Variants in CACNB2 observed in about 807,000 individuals in gnomAD.
CACNB2 encodes the protein calcium voltage-gated channel auxiliary subunit beta 2.
In CACNB2, 42 loss-of-function variants were observed where a neutral mutation model predicts 73.3. The observed-to-expected ratio is 0.57, with a 90% CI of 0.45 to 0.74. CACNB2 has a LOEUF of 0.74. Among genes scored for constraint, CACNB2 ranks in the 30% least tolerant of loss-of-function variants. The pLI is 0.00. For missense variants in CACNB2, 940 were observed against 853.0 expected, an observed-to-expected ratio of 1.10 and a Z score of -1.27; for synonymous variants, 348 against 310.3, an observed-to-expected ratio of 1.12 and a Z score of -1.28.
intron 5 of CACNB2, among the ~76,000 whole-genome samples, chr10:18,503,214 A>G (rs2050304280): frequency 6.6e-6 from 1 of 152,234 alleles, no homozygotes; most frequent in Non-Finnish European, 1.5e-5. Flanking sequence ...TGAAGACCCG[A>G]TAGGATTCTT....
In CACNB2 at chr10:18,538,382, T is replaced by C. The variant is rs927119738; in HGVS notation, c.1488+17T>C. 34 of 1,605,122 alleles carry C rather than the reference T, an allele frequency of 2.1e-5. No homozygotes were observed. The highest frequency in any genetic ancestry group is 2.9e-5 in the Non-Finnish European group (34 of 1,172,082). The stretch of plus-strand genomic sequence containing the variant: ...AATTCACAGGTAAGGGGAGTTTTTA[T>C]ATATATCTATATATACAATCTTCAT... On this transcript the variant is annotated intron_variant, in intron 13 of 13. Transcript: ENST00000324631.
chr10:18,225,902 A>C (rs888598519), intron 2 of CACNB2, among the ~76,000 whole-genome samples: 3 of 152,202 alleles, frequency 2.0e-5, no homozygotes, highest in Admixed American at 6.5e-5. Context: ...AGCCTTCCAA[A>C]GCACTGGGAT....
rs1030918220 is a variant in CACNB2, at chr10:18,525,051, A to T, written c.945-2537A>T. On this transcript the variant is annotated intron_variant, in intron 9 of 13. Coordinates refer to ENST00000324631, the MANE Select transcript of CACNB2 (RefSeq NM_201596.3). ...GTCTAAAAAAAAAAAAAAAAAAAAC[A>T]CATTATATGACATAGTTCATTGACT... Among the ~76,000 whole-genome samples, 9 of 149,128 alleles carry T rather than the reference A, an allele frequency of 6.0e-5. No homozygotes were observed. In the South Asian group the frequency reaches 1.9e-3, roughly 32 times the overall value.
chr10:18,520,269 T>C (rs947456900), intron 9 of CACNB2, among the ~76,000 whole-genome samples: 3 of 152,256 alleles, frequency 2.0e-5, no homozygotes, highest in Non-Finnish European at 4.4e-5. Flanking sequence ...AATAGCTTCT[T>C]CGTCTTTCAG....
rs568193327 is a variant in CACNB2, at chr10:18,354,061, T to C, written c.214-47863T>C. Reference sequence around the variant, plus strand: ...GTCTGTCAAAAAACTATAGTAGGCCTTAATTAGCTGGGTGACATTGGACAA... The same window carrying C: ...GTCTGTCAAAAAACTATAGTAGGCCCTAATTAGCTGGGTGACATTGGACAA... On this transcript the variant is annotated intron_variant, in intron 2 of 13. Coordinates refer to ENST00000324631, the MANE Select transcript of CACNB2 (RefSeq NM_201596.3). 1.2e-3 allele frequency among the ~76,000 whole-genome samples: 186 copies of C among 152,184 alleles called. 1 individual carries two copies. The highest frequency in any genetic ancestry group is 2.4e-3 in the Non-Finnish European group (165 of 68,026).
chr10:18,291,701 G>A (rs1374200550), intron 2 of CACNB2, among the ~76,000 whole-genome samples: 6 of 152,174 alleles, frequency 3.9e-5, no homozygotes, highest in Non-Finnish European at 4.4e-5. Context: ...ATTGTTGACC[G>A]CTTCAGTACT....
chr10:18,232,841 A>G (rs2036274058), intron 2 of CACNB2, among the ~76,000 whole-genome samples: 1 of 152,200 alleles, frequency 6.6e-6, no homozygotes, highest in South Asian at 2.1e-4. Context: ...TAATCCCGGC[A>G]TTCTGGGAAG....
intron 3 of CACNB2, among the ~76,000 whole-genome samples, chr10:18,492,642 AAAAAG>A (rs1027700647): frequency 8.0e-5 from 12 of 149,234 alleles, no homozygotes; most frequent in East Asian, 3.9e-4. Flanking sequence ...AAAAAAAGAA[AAAAAG>A]AAAAGAAAAG....
In CACNB2 at chr10:18,518,968, G is replaced by A. The variant is rs1225227914; in HGVS notation, c.944G>A (p.Arg315Gln). The A allele has an allele frequency of 2.5e-6, 4 of 1,613,276 alleles. No homozygotes were observed. Among genetic ancestry groups the A allele is most frequent in the East Asian group, 2.2e-5 (1 of 44,872 alleles). Reference protein sequence around the residue: ...FDFLKHRFEGRISITRVTADI... With the variant: ...FDFLKHRFEGQISITRVTADI... ...TTTTTAAAACACAGATTTGAAGGGCGGTGAGTATTTCAGCATACTGGGTTT... is the reference window on the plus strand; with the variant it reads ...TTTTTAAAACACAGATTTGAAGGGCAGTGAGTATTTCAGCATACTGGGTTT... Residue 315 changes from arginine to glutamine, a missense_variant and splice_region_variant, in exon 9 of 14, where the codon CGG (arginine) becomes CAG (glutamine). Physicochemically the swap from Arg to Gln is conservative, Grantham distance 43. Coordinates refer to ENST00000324631, the MANE Select transcript of CACNB2 (RefSeq NM_201596.3).
At chr10:18,537,751 T>G (rs1396312458) in intron 12 of CACNB2, among the ~76,000 whole-genome samples, 2 of 147,858 alleles carry the variant, frequency 1.4e-5, no homozygotes, top group African/African-American at 4.9e-5. Context: ...CACTCCAGCC[T>G]GGGTAACAGA....
chr10:18,519,259 C>T (rs1242063494), intron 9 of CACNB2, among the ~76,000 whole-genome samples: 1 of 152,154 alleles, frequency 6.6e-6, no homozygotes, highest in East Asian at 1.9e-4. Context: ...CTATTGCTGC[C>T]CAGGCATCGC....
intron 2 of CACNB2, among the ~76,000 whole-genome samples, chr10:18,322,515 C>A (rs906602224): frequency 2.0e-5 from 3 of 152,048 alleles, no homozygotes; most frequent in East Asian, 3.8e-4. Flanking sequence ...TACAAAATTA[C>A]CCTGAATGAG....
At chr10:18,296,958 A>G (rs540358260) in intron 2 of CACNB2, among the ~76,000 whole-genome samples, 3 of 152,370 alleles carry the variant, frequency 2.0e-5, no homozygotes, top group South Asian at 4.1e-4. Context: ...GAGGATAATA[A>G]CACTTTTCCT....
chr10:18,459,044 C>T (rs193247403), intron 3 of CACNB2, among the ~76,000 whole-genome samples: 8 of 152,238 alleles, frequency 5.3e-5, no homozygotes, highest in Middle Eastern at 3.4e-3. Flanking sequence ...GGATTACAGG[C>T]GCGAGCCACT....
chr10:18,193,112 G>C (rs1432316697), intron 2 of CACNB2, among the ~76,000 whole-genome samples: 1 of 152,122 alleles, frequency 6.6e-6, no homozygotes, highest in Non-Finnish European at 1.5e-5. Context: ...TGAATACAAT[G>C]TATAATGATC....
At position 18,377,674 on chromosome 10, in the gene CACNB2, G is replaced by A. The variant is rs11596903; in HGVS notation, c.214-24250G>A. Among the ~76,000 whole-genome samples, 48 of 152,294 alleles carry A rather than the reference G, an allele frequency of 3.2e-4. No homozygotes were observed. The South Asian group carries it at 9.9e-3, about 32-fold the overall frequency. ...TACAAAGAGGCAGTGGATCAACTTA[G>A]GCCCATGAGCTATAGTTGGCTGATC... On this transcript the variant is annotated intron_variant, in intron 2 of 13. Transcript: ENST00000324631.
intron 2 of CACNB2, among the ~76,000 whole-genome samples, chr10:18,366,783 C>T (rs2042373111): frequency 7.0e-6 from 1 of 142,010 alleles, no homozygotes; most frequent in Admixed American, 7.0e-5. Flanking sequence ...CAAAGCGAGA[C>T]TCCGTCTCAA....
chr10:18,331,904 TA>T (rs1268197081), intron 2 of CACNB2, among the ~76,000 whole-genome samples: 1 of 152,034 alleles, frequency 6.6e-6, no homozygotes, highest in Non-Finnish European at 1.5e-5. Flanking sequence ...AGGAGTTGAT[TA>T]GGGGCGCAGG....
chr10:18,362,921 AAAAC>A (rs1283553395), intron 2 of CACNB2, among the ~76,000 whole-genome samples: 20 of 152,286 alleles, frequency 1.3e-4, no homozygotes, highest in South Asian at 2.1e-4. Flanking sequence ...AAAAAACAGA[AAAAC>A]AAAAGAAGGA....
Sources: gnomAD v4.1 joint callset for allele counts (sites outside exome capture counted in the v4.1 genomes callset) on GRCh38, gnomAD v4.1.1 for gene constraint, MANE v1.5 for transcripts, NCBI Gene and HGNC (gene_info 2026-07-23, HGNC 2026-07-21) for gene names.